The following MMP16 variants were observed in gnomAD, a reference collection of about 807,000 sequenced individuals.
MMP16 encodes the protein matrix metalloproteinase-16.
Under a neutral mutation model 67.8 loss-of-function variants are expected in MMP16, and 12 were observed. That is an observed-to-expected ratio of 0.18 (90% confidence interval 0.11 to 0.29). The LOEUF (loss-of-function observed/expected upper bound fraction) is 0.29, where lower values mean the gene tolerates loss of function less well. Ranked by LOEUF, MMP16 falls within the 10% of genes least tolerant of loss-of-function variation. The pLI, the probability that MMP16 is intolerant of heterozygous loss-of-function variation, is 1.00. For synonymous variants in MMP16, 249 were observed against 255.9 expected (o/e 0.97, Z 0.26); for missense variants, 475 against 765.7 (o/e 0.62, Z 4.48).
chr8:88,274,711 G>A (rs1231194464), intron 1 of MMP16, among the ~76,000 whole-genome samples: 1 of 151,908 alleles, frequency 6.6e-6, no homozygotes, highest in African/African-American at 2.4e-5. Context: ...GTCTGATTAG[G>A]CTTGTTCATC....
chr8:88,045,858 A>G (rs563205462), intron 9 of MMP16, among the ~76,000 whole-genome samples: 1 of 152,302 alleles, frequency 6.6e-6, no homozygotes, highest in Non-Finnish European at 1.5e-5. Context: ...GGACTACATA[A>G]TATACTATTT....
intron 7 of MMP16, chr8:88,069,290 T>G (rs145353888): frequency 2.4e-4 from 82 of 342,452 alleles, no homozygotes; most frequent in African/African-American, 1.5e-3. Flanking sequence ...TTTTGCAGAT[T>G]GATCCCTCGG....
chr8:88,127,680 T>C (rs547366898), intron 4 of MMP16, among the ~76,000 whole-genome samples: 2 of 151,982 alleles, frequency 1.3e-5, no homozygotes, highest in African/African-American at 4.8e-5. Flanking sequence ...GCTGTCCATA[T>C]AAATTTCATA....
chr8:88,240,291 T>C (rs1465505294), intron 1 of MMP16, among the ~76,000 whole-genome samples: 1 of 152,146 alleles, frequency 6.6e-6, no homozygotes, highest in Non-Finnish European at 1.5e-5. Context: ...GAATGTAATA[T>C]TTTAGTTGCA....
At chr8:88,215,810 C>A (rs1480743975) in intron 1 of MMP16, among the ~76,000 whole-genome samples, 1 of 152,118 alleles carries the variant, frequency 6.6e-6, no homozygotes, top group Admixed American at 6.6e-5. Context: ...CTAGACACTT[C>A]AGAGTGTGCA....
At chr8:88,136,556 G>A (rs1028622488) in intron 4 of MMP16, among the ~76,000 whole-genome samples, 8 of 151,220 alleles carry the variant, frequency 5.3e-5, no homozygotes, top group Admixed American at 2.6e-4. Context: ...CCAAAGGAAC[G>A]GTTATCAGAG....
At chr8:88,283,950 C>G (rs1337978245) in intron 1 of MMP16, among the ~76,000 whole-genome samples, 7 of 152,124 alleles carry the variant, frequency 4.6e-5, no homozygotes, top group Non-Finnish European at 1.0e-4. Context: ...GCTAAAAGTT[C>G]TATATTTGAG....
intron 1 of MMP16, among the ~76,000 whole-genome samples, chr8:88,266,968 T>A (rs931156774): frequency 6.6e-6 from 1 of 152,136 alleles, no homozygotes; most frequent in African/African-American, 2.4e-5. Context: ...TAGTCCCAAA[T>A]GCAGAAAGAT....
In MMP16 at chr8:88,040,180, T is replaced by C. The variant is rs374419557; in HGVS notation, c.*1281A>G. On this transcript the variant is annotated 3_prime_UTR_variant, in exon 10 of 10. Coordinates refer to ENST00000286614, the MANE Select transcript of MMP16 (RefSeq NM_005941.5). ...CTTAGGCTATTATCAGTTTTTCAAA[T>C]AAAATTTCAGATTTATGAGAATCTT... is the stretch of plus-strand genomic sequence containing the variant. The C allele has an allele frequency of 3.7e-4, 57 of 152,754 alleles. No homozygotes were observed. The highest frequency in any genetic ancestry group is 1.3e-3 in the African/African-American group (54 of 41,576). 9.5% of individuals were successfully genotyped at this position (152,754 alleles called of 1,614,324 possible). A position where few individuals can be genotyped will look rare whatever the true frequency, so the allele number is the denominator to read the frequency against.
At chr8:88,224,536 T>G (rs574884249) in intron 1 of MMP16, among the ~76,000 whole-genome samples, 11 of 152,138 alleles carry the variant, frequency 7.2e-5, no homozygotes, top group African/African-American at 2.6e-4. Flanking sequence ...GATGACTTTA[T>G]CTCAAACTAC....
At position 88,146,239 on chromosome 8, in the gene MMP16, T is replaced by C. The variant is rs772847027; in HGVS notation, c.709+21430A>G. On this transcript the variant is annotated intron_variant, in intron 4 of 9. Coordinates refer to ENST00000286614, the MANE Select transcript of MMP16 (RefSeq NM_005941.5). Reference sequence around the variant, plus strand: ...CAGCAAGACTCTATGATATTAGTAATTATAATTAGATACATACAGCAAAAT... The same window carrying C: ...CAGCAAGACTCTATGATATTAGTAACTATAATTAGATACATACAGCAAAAT... 3.9e-5 allele frequency among the ~76,000 whole-genome samples: 6 copies of C among 152,016 alleles called. No homozygotes were observed. In the South Asian group the frequency reaches 1.2e-3, roughly 31 times the overall value.
intron 7 of MMP16, among the ~76,000 whole-genome samples, chr8:88,071,608 T>C (rs1808556361): frequency 6.6e-6 from 1 of 152,116 alleles, no homozygotes; most frequent in Non-Finnish European, 1.5e-5. Flanking sequence ...TCACTAGTAA[T>C]GTAAATCACA....
intron 1 of MMP16, among the ~76,000 whole-genome samples, chr8:88,287,051 C>G (rs530816123): frequency 9.2e-4 from 140 of 152,294 alleles, no homozygotes; most frequent in African/African-American, 3.3e-3. Flanking sequence ...TTTCTCCACA[C>G]TGCAACATAT....
At chr8:88,227,283 A>G (rs1441220961) in intron 1 of MMP16, among the ~76,000 whole-genome samples, 1 of 152,082 alleles carries the variant, frequency 6.6e-6, no homozygotes, top group Non-Finnish European at 1.5e-5. Flanking sequence ...TCAAATATAA[A>G]ACATCAAGTT....
intron 8 of MMP16, among the ~76,000 whole-genome samples, chr8:88,053,768 C>T (rs1396769961): frequency 6.6e-6 from 1 of 152,024 alleles, no homozygotes; most frequent in African/African-American, 2.4e-5. Context: ...ATGGAGTAAT[C>T]TGTTTATAAA....
intron 4 of MMP16, among the ~76,000 whole-genome samples, chr8:88,151,358 C>T (rs1385566077): frequency 1.3e-3 from 190 of 149,814 alleles, no homozygotes; most frequent in African/African-American, 4.4e-3. Context: ...CTGTACCAAG[C>T]GGACCTAATA....
intron 6 of MMP16, among the ~76,000 whole-genome samples, chr8:88,098,177 G>A (rs923616214): frequency 6.6e-6 from 1 of 151,956 alleles, no homozygotes; most frequent in African/African-American, 2.4e-5. Flanking sequence ...CAGCAAAAGG[G>A]ACAGACACAT....
At chr8:88,305,253 A>G (rs1811195081) in intron 1 of MMP16, among the ~76,000 whole-genome samples, 1 of 152,208 alleles carries the variant, frequency 6.6e-6, no homozygotes, top group Non-Finnish European at 1.5e-5. Flanking sequence ...AACTATCCCA[A>G]ATATATATGC....
chr8:88,108,396 C>A, intron 6 of MMP16, among the ~76,000 whole-genome samples: 1 of 151,268 alleles, frequency 6.6e-6, no homozygotes. Context: ...CATTCCTGCT[C>A]ACCCAGGCAT....
Sources: allele counts gnomAD v4.1 joint callset (sites outside exome capture counted in the v4.1 genomes callset), GRCh38; gene constraint gnomAD v4.1.1; transcripts MANE v1.5; gene names NCBI Gene and HGNC (gene_info 2026-07-23, HGNC 2026-07-21).